The following ACYP2 variants were observed in gnomAD, a reference collection of about 807,000 sequenced individuals.
The protein encoded by ACYP2 is acylphosphatase 2.
A neutral mutation model predicts 11.2 loss-of-function variants in ACYP2; 12 were observed. The observed-to-expected ratio is 1.08, with a 90% CI of 0.69 to 1.74. The LOEUF is 1.74. Ranked by LOEUF, ACYP2 falls within the 40% of genes most tolerant of loss-of-function variation. The pLI is 0.00. For missense variants in ACYP2, 134 were observed against 101.9 expected (o/e 1.31, Z -1.35); for synonymous variants, 43 against 32.2 (o/e 1.33, Z -1.13).
chr2:54,068,238 C>G (rs542824966), intron 4 of ACYP2, among the ~76,000 whole-genome samples: 1 of 152,250 alleles, frequency 6.6e-6, no homozygotes, highest in Non-Finnish European at 1.5e-5. Flanking sequence ...TTGTACAGTC[C>G]TATCCATTTG....
In ACYP2 at chr2:54,117,546, C is replaced by T. The variant is rs569693545; in HGVS notation, c.278-17907C>T. On this transcript the variant is annotated intron_variant, in intron 4 of 6. Transcript: ENST00000607452. ...GGCTTCAAGGGATCCTCCTGCACTT[C>T]GCCTCCCAAAGTGATGGGATTACAG... Among the ~76,000 whole-genome samples the T allele has an allele frequency of 3.3e-5, 5 of 152,270 alleles. No individual in the cohort carries two copies. In the South Asian group the frequency reaches 6.2e-4, roughly 19 times the overall value.
chr2:54,034,008 A>C (rs779956166), intron 2 of ACYP2, among the ~76,000 whole-genome samples: 1 of 152,226 alleles, frequency 6.6e-6, no homozygotes, highest in African/African-American at 2.4e-5. Context: ...GACCAAATAT[A>C]ATAGTGGTTC....
intron 6 of ACYP2, among the ~76,000 whole-genome samples, chr2:54,270,493 A>T (rs1210403677): frequency 6.6e-6 from 1 of 152,156 alleles, no homozygotes; most frequent in East Asian, 1.9e-4. Context: ...CTGTAGTCCC[A>T]CCTGTTTGGG....
chr2:54,157,031 A>C (rs892087070), intron 6 of ACYP2, among the ~76,000 whole-genome samples: 11 of 152,194 alleles, frequency 7.2e-5, no homozygotes, highest in African/African-American at 2.7e-4. Context: ...CAAAAACTTG[A>C]AATCTATTTT....
chr2:54,237,170 T>C (rs1235362141), intron 6 of ACYP2, among the ~76,000 whole-genome samples: 1 of 152,210 alleles, frequency 6.6e-6, no homozygotes, highest in East Asian at 1.9e-4. Context: ...GACTTGACTA[T>C]CCATGGATTT....
chr2:54,281,554 T>C (rs1038258566), intron 6 of ACYP2, among the ~76,000 whole-genome samples: 14 of 152,178 alleles, frequency 9.2e-5, no homozygotes, highest in African/African-American at 4.8e-5. Flanking sequence ...AGCAAAGATA[T>C]CATGTGGCAG....
chr2:54,304,906 G>A lies in ACYP2; in HGVS notation c.*104G>A. ...AGAGTAGGGTGAAAAGGAACTTTCT[G>A]TTCTGAAAGCTAAGCGACTGTACGT... On this transcript the variant is annotated 3_prime_UTR_variant, in exon 7 of 7. Coordinates refer to ENST00000607452, the MANE Select transcript of ACYP2 (RefSeq NM_001320586.2). 2.1e-6 allele frequency: 1 copy of A among 484,394 alleles called. No homozygotes were observed. Among genetic ancestry groups the A allele is most frequent in the Admixed American group, 3.8e-5 (1 of 26,426 alleles). 30.0% of individuals were successfully genotyped at this position (484,394 alleles called of 1,614,324 possible). A position where few individuals can be genotyped will look rare whatever the true frequency, so the allele number is the denominator to read the frequency against.
intron 2 of ACYP2, chr2:53,975,217 C>G (rs1174165487): frequency 8.0e-6 from 3 of 376,298 alleles, no homozygotes; most frequent in Non-Finnish European, 4.6e-6. Context: ...GAGCGAGACT[C>G]TGTCTCAAAA....
At chr2:54,198,888 G>A (rs1170624649) in intron 6 of ACYP2, among the ~76,000 whole-genome samples, 2 of 152,030 alleles carry the variant, frequency 1.3e-5, no homozygotes, top group African/African-American at 2.4e-5. Flanking sequence ...TTCACTTCTC[G>A]TTCCGTGCCC....
intron 4 of ACYP2, among the ~76,000 whole-genome samples, chr2:54,073,956 C>A (rs1677195606): frequency 6.6e-6 from 1 of 152,166 alleles, no homozygotes; most frequent in Non-Finnish European, 1.5e-5. Context: ...AGTGCAAATT[C>A]TTTGGAAACA....
At chr2:54,106,407 A>C (rs903621683) in intron 4 of ACYP2, among the ~76,000 whole-genome samples, 2 of 152,182 alleles carry the variant, frequency 1.3e-5, no homozygotes, top group African/African-American at 4.8e-5. Context: ...AAATAATTCT[A>C]GGTGAAATAT....
chr2:54,201,864 A>C (rs1295857667), intron 6 of ACYP2, among the ~76,000 whole-genome samples: 1 of 151,196 alleles, frequency 6.6e-6, no homozygotes, highest in African/African-American at 2.4e-5. Flanking sequence ...GTGCGCCCCC[A>C]CGCCTGGCTA....
At chr2:54,263,903 C>T (rs1434775383) in intron 6 of ACYP2, among the ~76,000 whole-genome samples, 3 of 151,472 alleles carry the variant, frequency 2.0e-5, no homozygotes, top group Non-Finnish European at 4.4e-5. Context: ...GTCATCAAAT[C>T]CAAACAAACA....
intron 4 of ACYP2, among the ~76,000 whole-genome samples, chr2:54,075,030 C>G (rs1282638906): frequency 6.6e-6 from 1 of 152,178 alleles, no homozygotes; most frequent in East Asian, 1.9e-4. Context: ...ATGGCCTATT[C>G]TTTCTACTTT....
At chr2:54,027,754 G>GT (rs1367085706) in intron 2 of ACYP2, among the ~76,000 whole-genome samples, 3 of 150,602 alleles carry the variant, frequency 2.0e-5, no homozygotes, top group African/African-American at 4.9e-5. Flanking sequence ...ATTTCTTCAG[G>GT]TTTTACCTAA....
intron 6 of ACYP2, among the ~76,000 whole-genome samples, chr2:54,159,187 T>C (rs928686648): frequency 4.7e-5 from 7 of 150,506 alleles, no homozygotes; most frequent in African/African-American, 1.7e-4. Flanking sequence ...AAAAAAAAAA[T>C]CCTCAAAAAT....
At chr2:54,082,315 G>T (rs780903695) in intron 4 of ACYP2, among the ~76,000 whole-genome samples, 3 of 150,154 alleles carry the variant, frequency 2.0e-5, no homozygotes, top group Non-Finnish European at 4.4e-5. Flanking sequence ...GTGTGGTCTC[G>T]GCTCACTGCA....
chr2:54,249,598 G>C (rs962252379), intron 6 of ACYP2, among the ~76,000 whole-genome samples: 2 of 151,942 alleles, frequency 1.3e-5, no homozygotes, highest in African/African-American at 4.8e-5. Context: ...ATATTTAAGG[G>C]GTAGGTAAAT....
At chr2:54,175,001 G>C (rs1683380103) in intron 6 of ACYP2, among the ~76,000 whole-genome samples, 1 of 152,052 alleles carries the variant, frequency 6.6e-6, no homozygotes, top group Admixed American at 6.6e-5. Context: ...TTTTTTTGTT[G>C]TGTCTCTGCC....
Sources: allele counts gnomAD v4.1 joint callset (sites outside exome capture counted in the v4.1 genomes callset), GRCh38; gene constraint gnomAD v4.1.1; transcripts MANE v1.5; gene names NCBI Gene and HGNC (gene_info 2026-07-23, HGNC 2026-07-21).